Variants in STK32B observed in about 807,000 individuals in gnomAD.
STK32B encodes serine/threonine kinase 32B, also known as serine/threonine-protein kinase 32B.
In STK32B, 43 loss-of-function variants were observed where a neutral mutation model predicts 52.6. The ratio of observed to expected loss-of-function variants is 0.82; its 90% CI spans 0.64 to 1.05. The LOEUF (loss-of-function observed/expected upper bound fraction) is 1.05. Ranked by LOEUF, STK32B falls within the 50% of genes least tolerant of loss-of-function variation. STK32B has a pLI of 0.00. For synonymous variants in STK32B, 238 were observed against 204.3 expected (o/e 1.17, Z -1.41); for missense variants, 621 against 534.6 (o/e 1.16, Z -1.59).
intron 3 of STK32B, among the ~76,000 whole-genome samples, chr4:5,193,128 G>A (rs1433088965): frequency 6.6e-6 from 1 of 152,112 alleles, no homozygotes; most frequent in Non-Finnish European, 1.5e-5. Context: ...CAGAGAGTAG[G>A]GTGACGAGGT....
rs557562597 is a variant in STK32B at position 5,470,380 on chromosome 4, G to A, written c.1106+2310G>A. ...TACCGGAGTCAGCAAAATAAAGAAA[G>A]AGGGCAGACGTCATGTGTTCCTGAC... is the stretch of plus-strand genomic sequence containing the variant. On this transcript the variant is annotated intron_variant, in intron 11 of 11. Coordinates refer to ENST00000282908, the MANE Select transcript of STK32B (RefSeq NM_018401.3). The surrounding 1 kb of genome is among the most constrained non-coding windows in gnomAD (Gnocchi z 4.6). Among the ~76,000 whole-genome samples, 33 of 152,302 alleles carry A rather than the reference G, an allele frequency of 2.2e-4. No individual in the cohort carries two copies. Among genetic ancestry groups the A allele is most frequent in the African/African-American group, 7.7e-4 (32 of 41,576 alleles).
intron 1 of STK32B, among the ~76,000 whole-genome samples, chr4:5,109,367 A>C (rs1388265144): frequency 6.6e-6 from 1 of 152,246 alleles, no homozygotes. Flanking sequence ...ACATGGACGA[A>C]TGCTCTTGCT....
chr4:5,485,801 T>TAACA (rs1458699955), intron 11 of STK32B, among the ~76,000 whole-genome samples: 1 of 152,232 alleles, frequency 6.6e-6, no homozygotes, highest in African/African-American at 2.4e-5. Flanking sequence ...GTTTTCCTTC[T>TAACA]AACAGTCAGG....
intron 1 of STK32B, among the ~76,000 whole-genome samples, chr4:5,089,145 A>G (rs181402992): frequency 1.8e-4 from 27 of 152,288 alleles, no homozygotes; most frequent in Admixed American, 1.7e-3. Flanking sequence ...AAAGGATTGT[A>G]AGAGAATATT....
At chr4:5,444,485 A>G (rs955826953) in intron 6 of STK32B, among the ~76,000 whole-genome samples, 1 of 152,116 alleles carries the variant, frequency 6.6e-6, no homozygotes, top group Non-Finnish European at 1.5e-5. Flanking sequence ...ACACCCACTG[A>G]CCTGCGCCCA....
chr4:5,059,872 A>G (rs1413237646), intron 1 of STK32B, among the ~76,000 whole-genome samples: 2 of 152,196 alleles, frequency 1.3e-5, no homozygotes, highest in East Asian at 3.8e-4. Context: ...ACATTTTTTA[A>G]TGGCTTTATT....
chr4:5,316,366 T>G (rs372422364), intron 3 of STK32B, among the ~76,000 whole-genome samples: 1 of 49,482 alleles, frequency 2.0e-5, no homozygotes, highest in Non-Finnish European at 2.9e-5. Context: ...TTATATATAT[T>G]ATATATATTA....
chr4:5,407,656 G>C (rs1190851111), intron 5 of STK32B, among the ~76,000 whole-genome samples: 1 of 152,008 alleles, frequency 6.6e-6, no homozygotes, highest in Non-Finnish European at 1.5e-5. Flanking sequence ...AGTTTGGGGG[G>C]TGGGGGAGAA....
intron 3 of STK32B, among the ~76,000 whole-genome samples, chr4:5,171,918 T>C (rs1375161141): frequency 2.0e-5 from 3 of 151,692 alleles, no homozygotes; most frequent in Admixed American, 6.6e-5. Flanking sequence ...ATTTTCACGA[T>C]GTTGATTCTT....
At chr4:5,413,863 A>G (rs1020008009) in intron 5 of STK32B, among the ~76,000 whole-genome samples, 2 of 152,224 alleles carry the variant, frequency 1.3e-5, no homozygotes, top group African/African-American at 4.8e-5. Flanking sequence ...AGTGCTGGCA[A>G]AGTGCAGAGA....
Position 5,386,049 on chromosome 4 carries a change from A to C in STK32B, c.435-12158A>C, listed in dbSNP as rs1577427617. Among the ~76,000 whole-genome samples, 1 of 77,410 alleles carries C rather than the reference A, an allele frequency of 1.3e-5. No homozygotes were observed. The allele number at this position is 77,410 out of a possible 152,430, so 50.8% of individuals were successfully genotyped here. On this transcript the variant is annotated intron_variant, in intron 4 of 11. Coordinates refer to ENST00000282908, the MANE Select transcript of STK32B (RefSeq NM_018401.3). This position sits in a 1 kb window ranked among gnomAD's most constrained non-coding sequence, Gnocchi z 4.5. ...GCCCCTACCCAGAGCCCCCACCCAC[A>C]CCCACAGCCCCACCCATAGCCCCTA...
At chr4:5,075,198 A>T (rs141225734) in intron 1 of STK32B, among the ~76,000 whole-genome samples, 25 of 152,296 alleles carry the variant, frequency 1.6e-4, no homozygotes, top group African/African-American at 4.6e-4. Flanking sequence ...TGTATTTATA[A>T]TTTATAACTC....
chr4:5,034,419 C>T, the STK32B span, among the ~76,000 whole-genome samples: 1 of 152,216 alleles, frequency 6.6e-6, no homozygotes, highest in South Asian at 2.1e-4. Context: ...AGTTCCCCTG[C>T]CTGCAGCACT....
intron 4 of STK32B, among the ~76,000 whole-genome samples, chr4:5,366,948 A>G (rs1004392837): frequency 1.3e-5 from 2 of 152,134 alleles, no homozygotes; most frequent in African/African-American, 2.4e-5. Context: ...TTTAGCAGCT[A>G]TGAGCATTAA....
At chr4:5,334,851 T>C (rs986888850) in intron 4 of STK32B, among the ~76,000 whole-genome samples, 2 of 152,010 alleles carry the variant, frequency 1.3e-5, no homozygotes, top group African/African-American at 4.8e-5. Flanking sequence ...TGGATAAGCT[T>C]TTTGATGTGC....
chr4:5,046,718 C>T (rs1224533271), upstream of STK32B, among the ~76,000 whole-genome samples: 1 of 152,196 alleles, frequency 6.6e-6, no homozygotes, highest in South Asian at 2.1e-4. Flanking sequence ...ATTTATGCAG[C>T]CATCAAACAC....
intron 3 of STK32B, among the ~76,000 whole-genome samples, chr4:5,311,739 A>T (rs1035780291): frequency 6.6e-6 from 1 of 152,108 alleles, no homozygotes; most frequent in African/African-American, 2.4e-5. Context: ...CTAAGGAAAA[A>T]ATGAACACTC....
At chr4:5,062,325 A>T (rs1392697645) in intron 1 of STK32B, among the ~76,000 whole-genome samples, 1 of 152,182 alleles carries the variant, frequency 6.6e-6, no homozygotes, top group East Asian at 1.9e-4. Context: ...TTGTTTCTGA[A>T]GGCATCAGGT....
chr4:5,464,756 G>A (rs757351322), intron 9 of STK32B, among the ~76,000 whole-genome samples: 29 of 152,162 alleles, frequency 1.9e-4, no homozygotes, highest in Non-Finnish European at 3.8e-4. Flanking sequence ...AGATTTCTCA[G>A]TGAGAAATTG....
Sources: allele counts gnomAD v4.1 joint callset (sites outside exome capture counted in the v4.1 genomes callset), GRCh38; gene constraint gnomAD v4.1.1; non-coding constraint Gnocchi (gnomAD v3.1); transcripts MANE v1.5; gene names NCBI Gene and HGNC (gene_info 2026-07-23, HGNC 2026-07-21).